The following TVP23C variants were observed in gnomAD, a reference collection of about 807,000 sequenced individuals.
The protein encoded by TVP23C is Golgi apparatus membrane protein TVP23 homolog C.
TVP23C carries 19 observed loss-of-function variants against 28.7 expected under a neutral mutation model. The ratio of observed to expected loss-of-function variants is 0.66; its 90% CI spans 0.46 to 0.97. TVP23C has a LOEUF of 0.97. Among genes scored for constraint, TVP23C ranks in the 50% least tolerant of loss-of-function variants. The probability of loss-of-function intolerance (pLI) is 0.00; values close to 1 mark genes in which losing one functional copy is unlikely to be tolerated. For missense variants in TVP23C, 186 were observed against 241.3 expected (o/e 0.77, Z 1.52); for synonymous variants, 68 against 81.7 (o/e 0.83, Z 0.90).
At chr17:15,507,745 A>T (rs1026469792) in intron 5 of TVP23C, among the ~76,000 whole-genome samples, 1 of 152,142 alleles carries the variant, frequency 6.6e-6, no homozygotes, top group Non-Finnish European at 1.5e-5. Flanking sequence ...AGGCTGATGC[A>T]GGAGAATGGC....
downstream of TVP23C, among the ~76,000 whole-genome samples, chr17:15,535,267 T>C (rs1444427571): frequency 6.6e-6 from 1 of 152,016 alleles, no homozygotes; most frequent in Non-Finnish European, 1.5e-5. Context: ...CTTCATCCAA[T>C]GAAGTATGAC....
intron 1 of TVP23C, among the ~76,000 whole-genome samples, chr17:15,556,606 C>T (rs1276270568): frequency 6.6e-6 from 1 of 152,060 alleles, no homozygotes; most frequent in African/African-American, 2.4e-5. Context: ...CCACCCGCCT[C>T]GGCCTCCCAA....
At position 15,559,951 on chromosome 17, in the gene TVP23C, G is replaced by A. The variant is rs1984304742; in HGVS notation, c.12+3486C>T. Among the ~76,000 whole-genome samples, 2 of 149,514 alleles carry A rather than the reference G, an allele frequency of 1.3e-5. 1 individual carries two copies. The highest frequency in any genetic ancestry group is 3.0e-5 in the Non-Finnish European group (2 of 66,786). ...GTACCAAGGAACATAAGGTGAGCCA[G>A]GAGGGGGTAGTGTCCTGGAAACCAA... On this transcript the variant is annotated intron_variant, in intron 1 of 5. Coordinates refer to ENST00000518321, the MANE Select transcript of TVP23C (RefSeq NM_001135036.2).
intron 5 of TVP23C, among the ~76,000 whole-genome samples, chr17:15,513,378 AC>A (rs1407255929): frequency 6.6e-6 from 1 of 152,212 alleles, no homozygotes; most frequent in Non-Finnish European, 1.5e-5. Context: ...CTATGTGAAA[AC>A]AATTGAGTAT....
Position 15,554,236 on chromosome 17 carries a change from C to CTTTT in TVP23C, c.96-411_96-408dup, listed in dbSNP as rs60423951. Among the ~76,000 whole-genome samples the CTTTT allele has an allele frequency of 1.2e-4, 15 of 125,398 alleles. 1 individual carries two copies. The highest frequency in any genetic ancestry group is 4.8e-4 in the East Asian group (2 of 4,188). 82.3% of individuals were successfully genotyped at this position (125,398 alleles called of 152,430 possible). A position where few individuals can be genotyped will look rare whatever the true frequency, so the allele number is the denominator to read the frequency against. The stretch of plus-strand genomic sequence containing the variant: ...AAGTTATCAGGTAGTTTGTTTGTTT[C>CTTTT]TTTTTTTTTTTTTTTTTTTGAGACG... On this transcript the variant is annotated intron_variant, in intron 2 of 5. Transcript: ENST00000518321.
chr17:15,550,810 G>C (rs1447269872), intron 3 of TVP23C, among the ~76,000 whole-genome samples: 2 of 151,988 alleles, frequency 1.3e-5, no homozygotes, highest in Admixed American at 1.3e-4. Context: ...ATTTTTGCCT[G>C]ATGTTATCTT....
At chr17:15,541,497 C>G (rs1421313544) in intron 5 of TVP23C, among the ~76,000 whole-genome samples, 2 of 151,858 alleles carry the variant, frequency 1.3e-5, no homozygotes, top group South Asian at 2.1e-4. Flanking sequence ...TTTGCCAACC[C>G]TTGTTCTGGA....
chr17:15,554,274 G>A (rs1406988560), intron 2 of TVP23C, among the ~76,000 whole-genome samples: 3 of 132,894 alleles, frequency 2.3e-5, no homozygotes, highest in Admixed American at 9.0e-5. Flanking sequence ...GTCTCGCTCC[G>A]TCGCCCAGGC....
intron 5 of TVP23C, 88 bp from the exon 6 acceptor site, chr17:15,540,649 G>A (rs1346100838): frequency 4.0e-6 from 3 of 740,982 alleles, no homozygotes; most frequent in Non-Finnish European, 6.8e-6. Context: ...AGACTGTCAT[G>A]AGAAAGAGAA....
chr17:15,524,813 A>C (rs985978414), intron 5 of TVP23C, among the ~76,000 whole-genome samples: 4 of 152,156 alleles, frequency 2.6e-5, no homozygotes, highest in Non-Finnish European at 5.9e-5. Flanking sequence ...TCATCCTAAG[A>C]TACAAGGTTG....
downstream of TVP23C, among the ~76,000 whole-genome samples, chr17:15,532,848 A>G (rs1952165721): frequency 6.6e-6 from 1 of 152,208 alleles, no homozygotes; most frequent in Non-Finnish European, 1.5e-5. Flanking sequence ...CACTTAGAAC[A>G]CTAGACATTA....
chr17:15,563,363 G>A (rs1219606474), intron 1 of TVP23C, 74 bp downstream of exon 1: 1 of 1,538,410 alleles, frequency 6.5e-7, no homozygotes, highest in Non-Finnish European at 8.7e-7. Flanking sequence ...GGGGGACGCG[G>A]GCTCCAGTCC....
intron 3 of TVP23C, among the ~76,000 whole-genome samples, chr17:15,551,121 TG>T (rs536836544): frequency 6.0e-4 from 89 of 149,182 alleles, no homozygotes; most frequent in South Asian, 2.1e-3. Context: ...TTGCCATTAT[TG>T]TTTTTTTTTT....
intron 5 of TVP23C, among the ~76,000 whole-genome samples, chr17:15,513,199 T>C (rs1982074607): frequency 6.6e-6 from 1 of 152,156 alleles, no homozygotes; most frequent in Admixed American, 6.5e-5. Flanking sequence ...CTTCAGAATA[T>C]ACGGTCAGAC....
At chr17:15,531,485 T>C (rs1982948335) in intron 5 of TVP23C, among the ~76,000 whole-genome samples, 1 of 152,224 alleles carries the variant, frequency 6.6e-6, no homozygotes. Context: ...TCACTCTTCA[T>C]TCTTTTTTCT....
intron 5 of TVP23C, among the ~76,000 whole-genome samples, chr17:15,519,567 A>G (rs1416640901): frequency 6.6e-6 from 1 of 152,118 alleles, no homozygotes; most frequent in Non-Finnish European, 1.5e-5. Flanking sequence ...TCAGTTTTTT[A>G]AAGGTTGGGG....
chr17:15,504,762 C>A (rs1372477536), intron 5 of TVP23C, among the ~76,000 whole-genome samples: 1 of 152,098 alleles, frequency 6.6e-6, no homozygotes, highest in Non-Finnish European at 1.5e-5. Flanking sequence ...TCTCAAACCC[C>A]TAGCCTCAAA....
chr17:15,525,970 T>TTTAAGAAG (rs1437254906), intron 5 of TVP23C, among the ~76,000 whole-genome samples: 2 of 152,202 alleles, frequency 1.3e-5, no homozygotes, highest in Non-Finnish European at 2.9e-5. Flanking sequence ...AGATTAAGTA[T>TTTAAGAAG]CTCATGATAT....
intron 5 of TVP23C, among the ~76,000 whole-genome samples, chr17:15,517,314 TC>T (rs1398152812): frequency 6.6e-6 from 1 of 152,216 alleles, no homozygotes; most frequent in East Asian, 1.9e-4. Context: ...TAACACAGTT[TC>T]TTTCAGGGGG....
Sources: gnomAD v4.1 joint callset for allele counts (sites outside exome capture counted in the v4.1 genomes callset) on GRCh38, gnomAD v4.1.1 for gene constraint, MANE v1.5 for transcripts, NCBI Gene and HGNC (gene_info 2026-07-23, HGNC 2026-07-21) for gene names.